Variants in RUFY1 observed in about 807,000 individuals in gnomAD.
RUFY1 encodes the protein RUN and FYVE domain-containing protein 1.
Under a neutral mutation model 94.6 loss-of-function variants are expected in RUFY1, and 54 were observed. The ratio of observed to expected loss-of-function variants is 0.57; its 90% CI spans 0.46 to 0.72. The LOEUF is 0.72. RUFY1 is among the 30% of genes least tolerant of loss of function. The pLI, the probability that RUFY1 is intolerant of heterozygous loss-of-function variation, is 0.00. For synonymous variants in RUFY1, 396 were observed against 347.3 expected, an observed-to-expected ratio of 1.14 and a Z score of -1.56; for missense variants, 883 against 883.9, an observed-to-expected ratio of 1.00 and a Z score of 0.01.
intron 7 of RUFY1, among the ~76,000 whole-genome samples, chr5:179,584,672 G>A (rs189999756): frequency 1.5e-3 from 225 of 152,130 alleles, no homozygotes; most frequent in Middle Eastern, 3.4e-3. Flanking sequence ...GCCAAGGTGG[G>A]AGGATCATGA....
chr5:179,607,271 T>G, intron 16 of RUFY1: 1 of 395,726 alleles, frequency 2.5e-6, no homozygotes, highest in Non-Finnish European at 4.7e-6. Flanking sequence ...TCTGCTTACT[T>G]CAGCCAAAGG....
intron 14 of RUFY1, among the ~76,000 whole-genome samples, chr5:179,601,114 C>G (rs571892760): frequency 5.3e-5 from 8 of 152,256 alleles, no homozygotes; most frequent in African/African-American, 1.9e-4. Flanking sequence ...CAAGAGTAAG[C>G]TAGCAAGAAA....
intron 5 of RUFY1, among the ~76,000 whole-genome samples, chr5:179,570,700 C>T (rs143826207): frequency 3.3e-5 from 5 of 152,176 alleles, no homozygotes; most frequent in African/African-American, 1.2e-4. Flanking sequence ...AGCCTTTTTC[C>T]TGCATTGTGT....
At chr5:179,585,952 T>G in intron 8 of RUFY1, 87 bp downstream of exon 8, 1 of 1,042,418 alleles carries the variant, frequency 9.6e-7, no homozygotes, top group Non-Finnish European at 1.5e-6. Flanking sequence ...ATAGCAGAGC[T>G]TCCTGCTGGT....
At chr5:179,594,349 G>A (rs544056066) in intron 11 of RUFY1, among the ~76,000 whole-genome samples, 10 of 151,300 alleles carry the variant, frequency 6.6e-5, no homozygotes, top group East Asian at 2.0e-4. Flanking sequence ...AAACTTTGCC[G>A]CTAAGTTAAT....
At chr5:179,589,492 TGA>T in intron 8 of RUFY1, 52 bp from the exon 9 acceptor site, 1 of 1,134,216 alleles carries the variant, frequency 8.8e-7, no homozygotes, top group East Asian at 2.3e-5. Context: ...GTTTTTAATT[TGA>T]ACAATAAGAT....
intron 5 of RUFY1, among the ~76,000 whole-genome samples, chr5:179,575,482 C>G (rs1269200167): frequency 6.6e-6 from 1 of 152,164 alleles, no homozygotes; most frequent in Non-Finnish European, 1.5e-5. Flanking sequence ...AAGCTCAGAA[C>G]TTCAAACGCA....
intron 3 of RUFY1, among the ~76,000 whole-genome samples, chr5:179,564,031 A>G (rs185530666): frequency 1.3e-3 from 200 of 151,094 alleles, no homozygotes; most frequent in African/African-American, 4.7e-3. Context: ...GTTGTTCTTT[A>G]TATGGTACAA....
intron 15 of RUFY1, 39 bp downstream of exon 15, chr5:179,602,025 A>G: frequency 1.3e-6 from 2 of 1,497,186 alleles, no homozygotes; most frequent in Non-Finnish European, 1.9e-6. Context: ...CTGCAGGCAC[A>G]CCAGGCTACC....
intron 3 of RUFY1, among the ~76,000 whole-genome samples, chr5:179,566,670 C>T (rs1160892325): frequency 2.0e-5 from 3 of 150,290 alleles, no homozygotes; most frequent in Non-Finnish European, 3.0e-5. Context: ...TGTGAATGTA[C>T]TTAACACTAC....
chr5:179,560,446 G>A (rs528462101), intron 2 of RUFY1, among the ~76,000 whole-genome samples: 18 of 152,256 alleles, frequency 1.2e-4, no homozygotes, highest in South Asian at 6.2e-4. Flanking sequence ...GAGGCTGGGC[G>A]CGGTGGCTCA....
intron 6 of RUFY1, among the ~76,000 whole-genome samples, chr5:179,580,206 C>CGTGTGTGT (rs71591429): frequency 0.019 from 2,411 of 127,422 alleles, 35 homozygotes; most frequent in Middle Eastern, 0.028. Context: ...CAAAAAATTC[C>CGTGTGTGT]GTGTGTGTGT....
intron 9 of RUFY1, among the ~76,000 whole-genome samples, chr5:179,589,955 C>T (rs933853085): frequency 1.1e-4 from 17 of 152,136 alleles, no homozygotes; most frequent in Non-Finnish European, 2.9e-5. Flanking sequence ...CCTGGGCCAT[C>T]CTCCTGTATT....
intron 5 of RUFY1, among the ~76,000 whole-genome samples, chr5:179,570,826 T>C (rs989765454): frequency 6.6e-5 from 10 of 152,300 alleles, no homozygotes; most frequent in African/African-American, 2.4e-4. Flanking sequence ...GAAAAATATC[T>C]TTTTTTGAAT....
In RUFY1 at chr5:179,550,781, G is replaced by A; in HGVS notation, c.212G>A (p.Arg71His). The A allele has an allele frequency of 2.9e-6, 4 of 1,383,890 alleles. No homozygotes were observed. Among genetic ancestry groups the A allele is most frequent in the Non-Finnish European group, 3.8e-6 (4 of 1,063,864 alleles). 85.7% of individuals were successfully genotyped at this position (1,383,890 alleles called of 1,614,324 possible). Reference sequence around the variant, plus strand: ...TCGGCGCCCATCCTGACCCTGGCACGCAGGGCCACCGGGAACCTGTCGGCG... The same window carrying A: ...TCGGCGCCCATCCTGACCCTGGCACACAGGGCCACCGGGAACCTGTCGGCG... ...GWSAPILTLARRATGNLSASC... is the reference protein window; with the variant it reads ...GWSAPILTLAHRATGNLSASC... Residue 71 changes from arginine (R) to histidine (H), a missense_variant, in exon 1 of 18, where the codon CGC becomes CAC. Transcript: ENST00000319449.
At chr5:179,569,460 C>G (rs773740679) in intron 5 of RUFY1, 35 bp downstream of exon 5, 2 of 1,608,564 alleles carry the variant, frequency 1.2e-6, no homozygotes, top group Non-Finnish European at 1.7e-6. Flanking sequence ...TGAACACTTT[C>G]GTTAGTCCAG....
At chr5:179,585,232 T>G (rs975211645) in intron 7 of RUFY1, among the ~76,000 whole-genome samples, 1 of 152,126 alleles carries the variant, frequency 6.6e-6, no homozygotes, top group Admixed American at 6.6e-5. Context: ...CACATTTTGG[T>G]TTCTATCACC....
At chr5:179,574,023 T>G (rs1277002210) in intron 5 of RUFY1, among the ~76,000 whole-genome samples, 2 of 152,152 alleles carry the variant, frequency 1.3e-5, no homozygotes, top group Non-Finnish European at 2.9e-5. Flanking sequence ...CTGTTTGGAA[T>G]TTTTGTGTCT....
At position 179,567,451 on chromosome 5, in the gene RUFY1, T is replaced by C; in HGVS notation, c.603-10T>C. On this transcript the variant is annotated splice_polypyrimidine_tract_variant and intron_variant, in intron 3 of 17. Transcript: ENST00000319449. ...ATGCCACAATAGTTGATTCTCTGTTTGAATTCTAGGACAGCTGTGGGAAGA... is the reference window on the plus strand; with the variant it reads ...ATGCCACAATAGTTGATTCTCTGTTCGAATTCTAGGACAGCTGTGGGAAGA... The C allele has an allele frequency of 6.2e-7, 1 of 1,606,000 alleles. No homozygotes were observed. Among genetic ancestry groups the C allele is most frequent in the Non-Finnish European group, 8.5e-7 (1 of 1,172,818 alleles).
Sources: gnomAD v4.1 joint callset for allele counts (sites outside exome capture counted in the v4.1 genomes callset) on GRCh38, gnomAD v4.1.1 for gene constraint, MANE v1.5 for transcripts, NCBI Gene and HGNC (gene_info 2026-07-23, HGNC 2026-07-21) for gene names.